The following RALGPS2 variants were observed in gnomAD, a reference collection of about 807,000 sequenced individuals.
The protein encoded by RALGPS2 is ras-specific guanine nucleotide-releasing factor RalGPS2.
In RALGPS2, 43 loss-of-function variants were observed where a neutral mutation model predicts 86.8. That is an observed-to-expected ratio of 0.50 (90% confidence interval 0.39 to 0.64). RALGPS2 has a LOEUF of 0.64. RALGPS2 is among the 30% of genes least tolerant of loss of function. The pLI is 0.00. For synonymous variants in RALGPS2, 243 were observed against 231.3 expected (o/e 1.05, Z -0.46); for missense variants, 536 against 694.6 (o/e 0.77, Z 2.57).
chr1:178,800,333 A>G (rs536195971), intron 4 of RALGPS2, among the ~76,000 whole-genome samples: 1 of 152,232 alleles, frequency 6.6e-6, no homozygotes, highest in South Asian at 2.1e-4. Flanking sequence ...AAAAGCAAAA[A>G]AAGTCAGACC....
At chr1:178,856,198 G>GATATATATATATATATATATATAT (rs1232946834) in intron 8 of RALGPS2, among the ~76,000 whole-genome samples, 5 of 47,266 alleles carry the variant, frequency 1.1e-4, no homozygotes, top group African/African-American at 3.1e-4. Flanking sequence ...TCCAGAGAGA[G>GATATATATATATATATATATATAT]AGAGATATAT....
In RALGPS2 at chr1:178,917,567, G is replaced by A. The variant is rs1228869253; in HGVS notation, c.*1208G>A. On this transcript the variant is annotated 3_prime_UTR_variant, in exon 20 of 20. Transcript: ENST00000367635. Reference sequence around the variant, plus strand: ...AAGTATCTAAACTTTATACTTGTATGATTTACCATAAACATACCAAAACAT... The same window carrying A: ...AAGTATCTAAACTTTATACTTGTATAATTTACCATAAACATACCAAAACAT... 1 of 152,076 alleles carries A rather than the reference G, an allele frequency of 6.6e-6. No individual in the cohort carries two copies. Among genetic ancestry groups the A allele is most frequent in the African/African-American group, 2.4e-5 (1 of 41,418 alleles). The allele number at this position is 152,076 out of a possible 1,614,324, so 9.4% of individuals were successfully genotyped here.
At chr1:178,820,159 A>T (rs1330115829) in intron 6 of RALGPS2, among the ~76,000 whole-genome samples, 2 of 152,224 alleles carry the variant, frequency 1.3e-5, no homozygotes, top group African/African-American at 4.8e-5. Flanking sequence ...TTAGCCTCAC[A>T]TCAGGTTAGA....
At chr1:178,863,686 T>C (rs1460637964) in intron 8 of RALGPS2, among the ~76,000 whole-genome samples, 1 of 152,186 alleles carries the variant, frequency 6.6e-6, no homozygotes, top group Non-Finnish European at 1.5e-5. Context: ...GCAGTGGTGA[T>C]ACTTGAAGCC....
chr1:178,747,018 T>G, intron 1 of RALGPS2: 2 of 910,008 alleles, frequency 2.2e-6, no homozygotes, highest in East Asian at 4.8e-5. Context: ...TTACACATTT[T>G]GCTCCTTCTG....
intron 4 of RALGPS2, among the ~76,000 whole-genome samples, chr1:178,799,504 T>TA (rs1262122896): frequency 6.6e-6 from 1 of 152,156 alleles, no homozygotes; most frequent in Non-Finnish European, 1.5e-5. Flanking sequence ...GGACTGCCCT[T>TA]ACCTATAAAG....
In RALGPS2 at chr1:178,799,703, C is replaced by T. The variant is rs75340777; in HGVS notation, c.214-8342C>T. 4.1e-3 allele frequency among the ~76,000 whole-genome samples: 619 copies of T among 152,208 alleles called. 4 individuals are homozygous for T. The highest frequency in any genetic ancestry group is 0.011 in the African/African-American group (442 of 41,532). On this transcript the variant is annotated intron_variant, in intron 4 of 19. Transcript: ENST00000367635. ...AAAGTTCTTTTGATTCTGAGCAATG[C>T]GCCTGGCCACCCAGAGCCCCGTGTG...
At chr1:178,788,457 T>G (rs1011341159) in intron 4 of RALGPS2, among the ~76,000 whole-genome samples, 1 of 151,880 alleles carries the variant, frequency 6.6e-6, no homozygotes, top group Non-Finnish European at 1.5e-5. Context: ...GAATAGGAAG[T>G]GTGAGGGTAG....
Position 178,909,403 on chromosome 1 carries a change from T to TTTG in RALGPS2, c.1722+2560_1722+2562dup, listed in dbSNP as rs369628282. Among the ~76,000 whole-genome samples, 786 of 151,698 alleles carry TTTG rather than the reference T, an allele frequency of 5.2e-3. 6 individuals are homozygous for TTTG. Among genetic ancestry groups the TTTG allele is most frequent in the South Asian group, 0.024 (113 of 4,804 alleles). ...TAGAATTGCTTTAGCTATTTGGGCT[T>TTTG]TTGTTGTTGTTGTTGTTGTTGTTGT... On this transcript the variant is annotated intron_variant, in intron 19 of 19. Coordinates refer to ENST00000367635, the MANE Select transcript of RALGPS2 (RefSeq NM_152663.5).
intron 1 of RALGPS2, among the ~76,000 whole-genome samples, chr1:178,739,069 G>A (rs1466669317): frequency 2.0e-5 from 3 of 152,200 alleles, no homozygotes; most frequent in Admixed American, 2.0e-4. Context: ...GGGTTTGTAG[G>A]TGGGTGATTA....
At chr1:178,814,216 A>C (rs549641104) in intron 6 of RALGPS2, among the ~76,000 whole-genome samples, 1 of 152,350 alleles carries the variant, frequency 6.6e-6, no homozygotes, top group South Asian at 2.1e-4. Context: ...TTCATAACTC[A>C]GCAGTGTTAC....
rs10634530 is a variant in RALGPS2, at chr1:178,725,267, G to GGCAGCGGCA, written c.-234_-233insAGCGGCAGC. On this transcript the variant is annotated 5_prime_UTR_variant, in exon 1 of 20. Transcript: ENST00000367635. Reference sequence around the variant, plus strand: ...TCACTCTCCTCCCCCGAGCGGCAGCGGCGGCGGCGGCGGCGGCTGCTGCGG... The same window carrying GGCAGCGGCA: ...TCACTCTCCTCCCCCGAGCGGCAGCGGCAGCGGCAGCGGCGGCGGCGGCGGCTGCTGCGG... 197 of 171,408 alleles carry GGCAGCGGCA rather than the reference G, an allele frequency of 1.1e-3. No homozygotes were observed. The highest frequency in any genetic ancestry group is 3.8e-3 in the African/African-American group (158 of 41,116). 10.6% of individuals were successfully genotyped at this position (171,408 alleles called of 1,614,324 possible). A position where few individuals can be genotyped will look rare whatever the true frequency, so the allele number is the denominator to read the frequency against.
At chr1:178,762,758 A>C (rs1652314525) in intron 1 of RALGPS2, among the ~76,000 whole-genome samples, 1 of 152,086 alleles carries the variant, frequency 6.6e-6, no homozygotes, top group Non-Finnish European at 1.5e-5. Flanking sequence ...GATATTTTTC[A>C]GTTGCATAGT....
chr1:178,852,643 G>A (rs765234857), intron 8 of RALGPS2: 3 of 1,577,478 alleles, frequency 1.9e-6, no homozygotes, highest in Non-Finnish European at 2.6e-6. Context: ...ATGCATAGAA[G>A]GTGATGATTC....
chr1:178,783,452 A>C (rs1396869585), intron 2 of RALGPS2, among the ~76,000 whole-genome samples: 1 of 152,184 alleles, frequency 6.6e-6, no homozygotes, highest in Non-Finnish European at 1.5e-5. Flanking sequence ...TATTTGAAGT[A>C]ATAATAGTTG....
rs1391715247 is a variant in RALGPS2, at chr1:178,776,630, T to G, written c.-83-52T>G. The G allele has an allele frequency of 6.9e-6, 4 of 579,592 alleles. No homozygotes were observed. In the East Asian group the frequency reaches 1.3e-4, roughly 19 times the overall value. 35.9% of individuals were successfully genotyped at this position (579,592 alleles called of 1,614,324 possible). ...TGGCATGGTGGTAGGCATAGAGTTG[T>G]TTTCTTGAACTTCGAGGAAGACATT... On this transcript the variant is annotated intron_variant, in intron 1 of 19. Transcript: ENST00000367635.
chr1:178,867,707 G>C (rs914085956), intron 8 of RALGPS2, among the ~76,000 whole-genome samples: 1 of 151,852 alleles, frequency 6.6e-6, no homozygotes, highest in Non-Finnish European at 1.5e-5. Context: ...TTGTGTCCAC[G>C]TTCTGCCAGA....
At chr1:178,792,099 C>CA (rs1354835471) in intron 4 of RALGPS2, among the ~76,000 whole-genome samples, 2 of 152,132 alleles carry the variant, frequency 1.3e-5, no homozygotes, top group East Asian at 3.9e-4. Flanking sequence ...GAAATTACTT[C>CA]AGATTGAAGA....
At chr1:178,729,894 C>T (rs941318361) in intron 1 of RALGPS2, among the ~76,000 whole-genome samples, 2 of 152,148 alleles carry the variant, frequency 1.3e-5, no homozygotes, top group Non-Finnish European at 2.9e-5. Context: ...TATTTATTTA[C>T]ATATTTAAAA....
Sources: allele counts gnomAD v4.1 joint callset (sites outside exome capture counted in the v4.1 genomes callset), GRCh38; gene constraint gnomAD v4.1.1; transcripts MANE v1.5; gene names NCBI Gene and HGNC (gene_info 2026-07-23, HGNC 2026-07-21).